The following SH3KBP1 variants were observed in gnomAD, a reference collection of about 807,000 sequenced individuals.
The protein encoded by SH3KBP1 is SH3 domain-containing kinase-binding protein 1.
A neutral mutation model predicts 50.1 loss-of-function variants in SH3KBP1; 8 were observed. That is an observed-to-expected ratio of 0.16 (90% CI 0.09 to 0.29). The LOEUF (loss-of-function observed/expected upper bound fraction) is 0.29, where lower values mean the gene tolerates loss of function less well. SH3KBP1 is among the 10% of genes least tolerant of loss of function. SH3KBP1 has a pLI of 1.00. For synonymous variants in SH3KBP1, 227 were observed against 218.6 expected, an observed-to-expected ratio of 1.04 and a Z score of -0.34; for missense variants, 377 against 535.2, an observed-to-expected ratio of 0.70 and a Z score of 2.92.
At chrX:19,823,312 C>T (rs184129798) in intron 2 of SH3KBP1, among the ~76,000 whole-genome samples, 163 of 112,230 alleles carry the variant, frequency 1.5e-3, no homozygotes, top group African/African-American at 5.0e-3. Flanking sequence ...CTCAAGGTCT[C>T]ACAGGCCAAT....
intron 6 of SH3KBP1, among the ~76,000 whole-genome samples, chrX:19,656,054 G>A (rs763398229): frequency 9.0e-6 from 1 of 111,462 alleles, no homozygotes; most frequent in South Asian, 3.8e-4. Flanking sequence ...AAAAGCAGGA[G>A]GCAAGGCAGG....
At chrX:19,766,737 C>T (rs772507287) in intron 2 of SH3KBP1, among the ~76,000 whole-genome samples, 11 of 109,538 alleles carry the variant, frequency 1.0e-4, no homozygotes, top group Non-Finnish European at 1.7e-4. Context: ...GTGATCCACC[C>T]GCCTCGGCCT....
chrX:19,849,377 T>A (rs555861660), intron 1 of SH3KBP1, among the ~76,000 whole-genome samples: 1 of 111,028 alleles, frequency 9.0e-6, no homozygotes, highest in Non-Finnish European at 1.9e-5. Flanking sequence ...GAAAAAGAGA[T>A]GGCAGAACCT....
chrX:19,862,731 TCTC>T (rs1387232043), intron 1 of SH3KBP1, among the ~76,000 whole-genome samples: 1 of 111,683 alleles, frequency 9.0e-6, no homozygotes, highest in Admixed American at 9.5e-5. Flanking sequence ...CTTGTTGAAG[TCTC>T]CTCATATAGC....
At chrX:19,724,586 C>A (rs1054736241) in intron 3 of SH3KBP1, among the ~76,000 whole-genome samples, 8 of 112,293 alleles carry the variant, frequency 7.1e-5, no homozygotes, top group African/African-American at 1.9e-4. Flanking sequence ...TGAAAACAAC[C>A]ATAGACCACA....
chrX:19,672,421 G>A (rs900937520), intron 6 of SH3KBP1, among the ~76,000 whole-genome samples: 1 of 111,678 alleles, frequency 9.0e-6, no homozygotes, highest in Non-Finnish European at 1.9e-5. Flanking sequence ...GGAGAAACCT[G>A]ACTAACACCT....
chrX:19,778,635 T>C (rs2066064913), intron 2 of SH3KBP1, among the ~76,000 whole-genome samples: 1 of 109,537 alleles, frequency 9.1e-6, no homozygotes, highest in Admixed American at 9.8e-5. Context: ...ACAATCCTTG[T>C]GAAAAGTGGG....
rs1556346157 is a variant in SH3KBP1, at chrX:19,760,041, C to CCTCTCCCTCTCTCT, written c.163-13601_163-13600insAGAGAGAGGGAGAG. On this transcript the variant is annotated intron_variant, in intron 2 of 17. Transcript: ENST00000397821. ...TCTCTCTCCTCTCTCTCTCTCTCTC[C>CCTCTCCCTCTCTCT]CTCTCTCTCTCTCTCTCTCTCTCTC... 3.6e-3 allele frequency among the ~76,000 whole-genome samples: 184 copies of CCTCTCCCTCTCTCT among 50,447 alleles called. 1 individual carries two copies. The highest frequency in any genetic ancestry group is 0.016 in the African/African-American group (168 of 10,744). The allele number at this position is 50,447 out of a possible 115,157, so 43.8% of individuals were successfully genotyped here. A position where few individuals can be genotyped will look rare whatever the true frequency, so the allele number is the denominator to read the frequency against.
At chrX:19,647,402 C>A (rs2062014140) in intron 6 of SH3KBP1, among the ~76,000 whole-genome samples, 1 of 111,796 alleles carries the variant, frequency 8.9e-6, no homozygotes, top group African/African-American at 3.3e-5. Flanking sequence ...TATTGCCCAT[C>A]ATCTTTGATA....
intron 2 of SH3KBP1, among the ~76,000 whole-genome samples, chrX:19,749,691 T>C (rs986779144): frequency 2.7e-5 from 3 of 112,700 alleles, no homozygotes; most frequent in Admixed American, 9.4e-5. Context: ...TGTTTGATAG[T>C]TAAAGGGTTC....
chrX:19,590,016 C>T lies in SH3KBP1; in HGVS notation c.1139-1214G>A, dbSNP rs768552356. On this transcript the variant is annotated intron_variant, in intron 11 of 17. Transcript: ENST00000397821. ...GTCCCAGCTATTCGGGAGGCTGAGG[C>T]GGGAGGATCTTGAACCCAGGAGTTC... Among the ~76,000 whole-genome samples the T allele has an allele frequency of 2.0e-3, 221 of 110,468 alleles. 1 individual carries two copies. Among genetic ancestry groups the T allele is most frequent in the African/African-American group, 6.5e-3 (196 of 30,314 alleles).
At chrX:19,592,184 T>G (rs775226791) in intron 10 of SH3KBP1, 37 bp from the exon 11 acceptor site, 1 of 1,054,620 alleles carries the variant, frequency 9.5e-7, no homozygotes, top group Non-Finnish European at 1.3e-6. Context: ...ACAAAATGTT[T>G]TCTGTACTCA....
chrX:19,589,910 AG>A (rs2066691266), intron 11 of SH3KBP1, among the ~76,000 whole-genome samples: 1 of 109,895 alleles, frequency 9.1e-6, no homozygotes, highest in African/African-American at 3.3e-5. Context: ...ACTTGAGGCC[AG>A]GAGTTCAAGA....
chrX:19,620,260 T>G (rs1214678705), intron 8 of SH3KBP1, among the ~76,000 whole-genome samples: 1 of 112,189 alleles, frequency 8.9e-6, no homozygotes, highest in Admixed American at 9.5e-5. Flanking sequence ...AAGGTGGTAT[T>G]CTTCATTCCA....
chrX:19,710,929 A>G (rs976964611), intron 3 of SH3KBP1, among the ~76,000 whole-genome samples: 1 of 111,814 alleles, frequency 8.9e-6, no homozygotes, highest in Non-Finnish European at 1.9e-5. Flanking sequence ...TTAATAAAAT[A>G]GTAACATTTA....
chrX:19,870,345 C>CT (rs1187661196), intron 1 of SH3KBP1, among the ~76,000 whole-genome samples: 153 of 103,117 alleles, frequency 1.5e-3, no homozygotes, highest in Non-Finnish European at 1.6e-3. Context: ...CTACACATTT[C>CT]TTTTTTTTTT....
In SH3KBP1 at chrX:19,695,595, AG is replaced by A; in HGVS notation, c.520+16del. 8.3e-7 allele frequency: 1 copy of A among 1,208,283 alleles called. No individual in the cohort carries two copies. The highest frequency in any genetic ancestry group is 1.1e-6 in the Non-Finnish European group (1 of 893,883). ...GTCCCCCGCCCCTCTCCTGCTTGGT[AG>A]GGTAGACTTCCTTACTTGACTTGGA... On this transcript the variant is annotated intron_variant, in intron 5 of 17. Coordinates refer to ENST00000397821, the MANE Select transcript of SH3KBP1 (RefSeq NM_031892.3).
chrX:19,705,715 C>T (rs1417694072), intron 4 of SH3KBP1, among the ~76,000 whole-genome samples: 2 of 111,482 alleles, frequency 1.8e-5, no homozygotes, highest in Admixed American at 9.5e-5. Context: ...AACTCTGTTA[C>T]TGTGGATGTC....
At chrX:19,820,742 T>C (rs2067502369) in intron 2 of SH3KBP1, among the ~76,000 whole-genome samples, 1 of 111,429 alleles carries the variant, frequency 9.0e-6, no homozygotes, top group Non-Finnish European at 1.9e-5. Context: ...TGTTTTCTGT[T>C]TGTTCACTCT....
Sources: allele counts gnomAD v4.1 joint callset (sites outside exome capture counted in the v4.1 genomes callset), GRCh38; gene constraint gnomAD v4.1.1; transcripts MANE v1.5; gene names NCBI Gene and HGNC (gene_info 2026-07-23, HGNC 2026-07-21).